NAALADL2: variants seen among roughly 807,000 people sequenced by gnomAD.
NAALADL2 encodes N-acetylated alpha-linked acidic dipeptidase like 2, also known as inactive N-acetylated-alpha-linked acidic dipeptidase-like protein 2.
In NAALADL2, 76 loss-of-function variants were observed where a neutral mutation model predicts 87.2. The observed-to-expected ratio is 0.87, with a 90% confidence interval of 0.72 to 1.05. The LOEUF (loss-of-function observed/expected upper bound fraction) is 1.05. Ranked by LOEUF, NAALADL2 falls within the 50% of genes least tolerant of loss-of-function variation. The pLI is 0.00. For missense variants in NAALADL2, 1,089 were observed against 945.8 expected, an observed-to-expected ratio of 1.15 and a Z score of -1.99; for synonymous variants, 354 against 331.0, an observed-to-expected ratio of 1.07 and a Z score of -0.75.
intron 1 of NAALADL2, among the ~76,000 whole-genome samples, chr3:174,859,922 A>G (rs926212200): frequency 6.6e-6 from 1 of 152,112 alleles, no homozygotes; most frequent in Non-Finnish European, 1.5e-5. Flanking sequence ...TTTAAAAGGT[A>G]GAAAACAGGG....
intron 1 of NAALADL2, among the ~76,000 whole-genome samples, chr3:175,066,507 A>T (rs866892010): frequency 2.6e-5 from 4 of 152,246 alleles, no homozygotes; most frequent in Middle Eastern, 6.8e-3. Context: ...CTTTTTCAGC[A>T]GCAGAAACAA....
At chr3:174,576,487 G>A (rs1003771627) in intron 2 of NAALADL2, among the ~76,000 whole-genome samples, 2 of 152,110 alleles carry the variant, frequency 1.3e-5, no homozygotes, top group African/African-American at 2.4e-5. Context: ...TGAAATGGAA[G>A]TAATATCTAA....
At chr3:175,030,903 A>C (rs944175210) in intron 1 of NAALADL2, among the ~76,000 whole-genome samples, 3 of 151,942 alleles carry the variant, frequency 2.0e-5, no homozygotes, top group Non-Finnish European at 4.4e-5. Context: ...GTTTTATTGC[A>C]CTTTGCAGAT....
intron 3 of NAALADL2, among the ~76,000 whole-genome samples, chr3:174,793,774 T>G (rs145955773): frequency 6.6e-6 from 1 of 152,142 alleles, no homozygotes; most frequent in African/African-American, 2.4e-5. Context: ...TGTTTACAGG[T>G]TTTGAAAAAA....
chr3:174,540,443 A>T (rs1162548381), intron 1 of NAALADL2, among the ~76,000 whole-genome samples: 1 of 152,176 alleles, frequency 6.6e-6, no homozygotes, highest in Non-Finnish European at 1.5e-5. Flanking sequence ...CTTAATGTAC[A>T]TTTTAACAAA....
chr3:175,007,204 G>A (rs991639481), intron 1 of NAALADL2, among the ~76,000 whole-genome samples: 1 of 148,082 alleles, frequency 6.8e-6, no homozygotes. Flanking sequence ...GAAGTGATGT[G>A]TATATAACCT....
chr3:174,723,583 A>G (rs547725), intron 2 of NAALADL2, among the ~76,000 whole-genome samples: 46,941 of 151,524 alleles, frequency 0.31, 7,756 homozygotes, highest in Non-Finnish European at 0.38. Context: ...GTGAAACCCC[A>G]TCTCTGCTAA....
At chr3:174,521,183 C>CA (rs982445831) in intron 1 of NAALADL2, among the ~76,000 whole-genome samples, 8 of 151,944 alleles carry the variant, frequency 5.3e-5, no homozygotes, top group Non-Finnish European at 1.2e-4. Flanking sequence ...AATCATTATA[C>CA]AAAAAAAGAC....
intron 2 of NAALADL2, among the ~76,000 whole-genome samples, chr3:175,152,735 G>C (rs187289479): frequency 1.3e-5 from 2 of 152,034 alleles, no homozygotes; most frequent in Admixed American, 1.3e-4. Flanking sequence ...GTGAAACCCT[G>C]TCTCTATTAA....
At chr3:174,729,716 A>G (rs779452311) in intron 2 of NAALADL2, among the ~76,000 whole-genome samples, 3 of 151,986 alleles carry the variant, frequency 2.0e-5, no homozygotes, top group Non-Finnish European at 4.4e-5. Flanking sequence ...AGTAGGACTT[A>G]CCTCTTAATT....
chr3:175,243,909 GA>G (rs1397633447), intron 3 of NAALADL2, among the ~76,000 whole-genome samples: 31 of 152,198 alleles, frequency 2.0e-4, no homozygotes, highest in Non-Finnish European at 2.2e-4. Flanking sequence ...AAGTTATTTT[GA>G]AATATAAACC....
intron 1 of NAALADL2, among the ~76,000 whole-genome samples, chr3:174,940,980 A>AT (rs1251084551): frequency 6.6e-6 from 1 of 151,796 alleles, no homozygotes; most frequent in Admixed American, 6.6e-5. Context: ...TCTATTGGAT[A>AT]TTTTTTTGTG....
chr3:174,993,812 A>T (rs1459686557), intron 1 of NAALADL2, among the ~76,000 whole-genome samples: 2 of 152,210 alleles, frequency 1.3e-5, no homozygotes, highest in Non-Finnish European at 2.9e-5. Flanking sequence ...GTGTGAAATC[A>T]AGGTGTTCAC....
intron 5 of NAALADL2, among the ~76,000 whole-genome samples, chr3:175,435,638 T>C (rs1341466805): frequency 1.3e-5 from 2 of 152,068 alleles, no homozygotes; most frequent in Non-Finnish European, 2.9e-5. Context: ...TGGTAACTCA[T>C]ATATTATAGT....
intron 2 of NAALADL2, among the ~76,000 whole-genome samples, chr3:174,719,751 AATAC>A (rs1731531252): frequency 6.6e-6 from 1 of 152,192 alleles, no homozygotes; most frequent in African/African-American, 2.4e-5. Context: ...AGAGTATGTT[AATAC>A]ATTTTGTCAG....
At chr3:174,615,611 A>G (rs756467768) in intron 2 of NAALADL2, among the ~76,000 whole-genome samples, 3 of 152,196 alleles carry the variant, frequency 2.0e-5, no homozygotes, top group Non-Finnish European at 4.4e-5. Flanking sequence ...AGGGATCTAT[A>G]TCATTGATTA....
intron 5 of NAALADL2, among the ~76,000 whole-genome samples, chr3:175,343,814 G>C (rs560399566): frequency 3.0e-4 from 46 of 151,802 alleles, no homozygotes; most frequent in African/African-American, 1.1e-3. Flanking sequence ...AGTGAAAGAG[G>C]GCAGTAGAAA....
chr3:175,623,335 A>C (rs1726503925), intron 10 of NAALADL2, among the ~76,000 whole-genome samples: 1 of 151,624 alleles, frequency 6.6e-6, no homozygotes, highest in Admixed American at 6.6e-5. Context: ...CTTCCATTTT[A>C]TAGTTAGTCC....
At chr3:174,930,833 G>A (rs1211611042) in intron 1 of NAALADL2, among the ~76,000 whole-genome samples, 9 of 151,448 alleles carry the variant, frequency 5.9e-5, no homozygotes, top group African/African-American at 1.7e-4. Flanking sequence ...CGTGTTAGCC[G>A]GGATGGTCTC....
Sources: gnomAD v4.1 joint callset for allele counts (sites outside exome capture counted in the v4.1 genomes callset) on GRCh38, gnomAD v4.1.1 for gene constraint, MANE v1.5 for transcripts, NCBI Gene and HGNC (gene_info 2026-07-23, HGNC 2026-07-21) for gene names.